MAN1A1: variants seen among roughly 807,000 people sequenced by gnomAD.
MAN1A1 encodes the protein mannosyl-oligosaccharide 1,2-alpha-mannosidase IA.
Under a neutral mutation model 70.8 loss-of-function variants are expected in MAN1A1, and 29 were observed. The ratio of observed to expected loss-of-function variants is 0.41; its 90% CI spans 0.31 to 0.56. MAN1A1 has a LOEUF of 0.56. Among genes scored for constraint, MAN1A1 ranks in the 20% least tolerant of loss-of-function variants. The pLI, the probability that MAN1A1 is intolerant of heterozygous loss-of-function variation, is 0.29. For missense variants in MAN1A1, 747 were observed against 841.3 expected, an observed-to-expected ratio of 0.89 and a Z score of 1.39; for synonymous variants, 349 against 330.1, an observed-to-expected ratio of 1.06 and a Z score of -0.62.
At chr6:119,349,456 T>G in intron 1 of MAN1A1, 86 bp downstream of exon 1, 1 of 927,448 alleles carries the variant, frequency 1.1e-6, no homozygotes, top group Non-Finnish European at 1.3e-6. Flanking sequence ...GGGGTGAAGT[T>G]ATCAGGTCCC....
intron 6 of MAN1A1, among the ~76,000 whole-genome samples, chr6:119,209,915 C>T (rs1440310622): frequency 6.6e-6 from 1 of 152,158 alleles, no homozygotes; most frequent in African/African-American, 2.4e-5. Flanking sequence ...CTGAATTAAC[C>T]CATAAACCCC....
intron 5 of MAN1A1, among the ~76,000 whole-genome samples, chr6:119,255,898 A>AT (rs1775444707): frequency 6.6e-6 from 1 of 152,090 alleles, no homozygotes; most frequent in South Asian, 2.1e-4. Flanking sequence ...TATTTGTCAA[A>AT]TTTCATTACA....
In MAN1A1 at chr6:119,179,866, G is replaced by A. The variant is rs547340413; in HGVS notation, c.1915C>T (p.Pro639Ser). The change falls in exon 13 of 13, where the codon CCT becomes TCT. Residue 639 changes from proline to serine, a missense_variant. This residue lies in a region of MAN1A1 where 419 missense variants were observed against 548.2 expected (regional missense o/e 0.76). Coordinates refer to ENST00000368468, the MANE Select transcript of MAN1A1 (RefSeq NM_005907.4). ...TCCTTTTTATCTTTAGGGAGGATAG[G>A]GAGAAGATGTGCCTCGCTATTGAAG... ...WIFNSEAHLL[P>S]ILPKDKKEVE... 6.2e-7 allele frequency: 1 copy of A among 1,612,644 alleles called. No individual in the cohort carries two copies. Among genetic ancestry groups the A allele is most frequent in the South Asian group, 1.1e-5 (1 of 91,040 alleles).
At chr6:119,269,069 C>T (rs1002293901) in intron 5 of MAN1A1, 1 of 146,260 alleles carries the variant, frequency 6.8e-6, no homozygotes, top group African/African-American at 2.6e-5. Flanking sequence ...CCTCTACACC[C>T]CACGGCAGCA....
chr6:119,327,867 A>G (rs777431168), intron 2 of MAN1A1, among the ~76,000 whole-genome samples: 16 of 152,320 alleles, frequency 1.1e-4, no homozygotes, highest in Non-Finnish European at 1.9e-4. Context: ...GAGCAAACTG[A>G]CGAAGAATGC....
chr6:119,296,722 A>C (rs1772226176), intron 4 of MAN1A1, among the ~76,000 whole-genome samples: 3 of 152,172 alleles, frequency 2.0e-5, no homozygotes, highest in Admixed American at 2.0e-4. Context: ...TAAAGAAAAA[A>C]AAAAAGTCAC....
chr6:119,337,670 A>G (rs1773494486), intron 2 of MAN1A1, among the ~76,000 whole-genome samples: 1 of 152,212 alleles, frequency 6.6e-6, no homozygotes, highest in Non-Finnish European at 1.5e-5. Context: ...AATACTTAAT[A>G]AATCATCATT....
At chr6:119,227,663 G>A (rs1017610860) in intron 6 of MAN1A1, among the ~76,000 whole-genome samples, 1 of 152,106 alleles carries the variant, frequency 6.6e-6, no homozygotes, top group African/African-American at 2.4e-5. Flanking sequence ...GAGATGAGGT[G>A]TCACTACATA....
Position 119,321,617 on chromosome 6 carries a change from ATT to A in MAN1A1, c.604-14627_604-14626del, listed in dbSNP as rs386359347. Among the ~76,000 whole-genome samples the A allele has an allele frequency of 5.8e-3, 773 of 133,248 alleles. 25 individuals carry two copies. The East Asian group carries it at 0.091, about 16-fold the overall frequency. 87.4% of individuals were successfully genotyped at this position (133,248 alleles called of 152,430 possible). A position where few individuals can be genotyped will look rare whatever the true frequency, so the allele number is the denominator to read the frequency against. ...TAGTGGATTGACTACATGGCCTGCA[ATT>A]TTTTTTTTTTTTTTTTGAGACAGGG... On this transcript the variant is annotated intron_variant, in intron 2 of 12. Transcript: ENST00000368468.
intron 5 of MAN1A1, among the ~76,000 whole-genome samples, chr6:119,255,071 A>C (rs1331562205): frequency 6.6e-6 from 1 of 152,206 alleles, no homozygotes; most frequent in Non-Finnish European, 1.5e-5. Context: ...CAAGGCTGTA[A>C]ACAAGACATA....
chr6:119,349,881 G>A (rs1214968125), upstream of MAN1A1: 2 of 422,764 alleles, frequency 4.7e-6, no homozygotes, highest in African/African-American at 4.3e-5. Flanking sequence ...GCCGAGGCGA[G>A]GAGGGGGATG....
chr6:119,223,861 T>C (rs1486097903), intron 6 of MAN1A1, among the ~76,000 whole-genome samples: 1 of 152,048 alleles, frequency 6.6e-6, no homozygotes, highest in African/African-American at 2.4e-5. Context: ...TATATATATA[T>C]TATAAAACTC....
rs967053910 is a variant in MAN1A1 at position 119,299,620 on chromosome 6, A to T, written c.816+2368T>A. 2.0e-5 allele frequency among the ~76,000 whole-genome samples: 3 copies of T among 152,060 alleles called. No individual in the cohort carries two copies. The East Asian group carries it at 5.8e-4, about 29-fold the overall frequency. On this transcript the variant is annotated intron_variant, in intron 4 of 12. Coordinates refer to ENST00000368468, the MANE Select transcript of MAN1A1 (RefSeq NM_005907.4). ...TAAAAATTTAAATAAAGAAAACTTC[A>T]AAGTTCAGTATCTTAGCAATAACTC...
chr6:119,222,172 T>C (rs1354423150), intron 6 of MAN1A1, among the ~76,000 whole-genome samples: 1 of 152,172 alleles, frequency 6.6e-6, no homozygotes, highest in Non-Finnish European at 1.5e-5. Flanking sequence ...CCAGAGTTCA[T>C]TTTTGCTACA....
At chr6:119,317,823 GA>G (rs1423593877) in intron 2 of MAN1A1, among the ~76,000 whole-genome samples, 6 of 151,206 alleles carry the variant, frequency 4.0e-5, no homozygotes, top group Non-Finnish European at 8.8e-5. Context: ...TTTGAAGGTA[GA>G]ATTCATAAAA....
At chr6:119,266,352 AT>A (rs536698800) in intron 5 of MAN1A1, among the ~76,000 whole-genome samples, 137 of 152,308 alleles carry the variant, frequency 9.0e-4, no homozygotes, top group African/African-American at 3.2e-3. Context: ...AGAAATGAAG[AT>A]AATCTTGTCT....
chr6:119,253,757 C>T lies in MAN1A1; in HGVS notation c.898-5403G>A, dbSNP rs376155764. Among the ~76,000 whole-genome samples the T allele has an allele frequency of 2.5e-3, 387 of 152,268 alleles. 2 individuals are homozygous for T. Among genetic ancestry groups the T allele is most frequent in the Admixed American group, 4.4e-3 (68 of 15,298 alleles). On this transcript the variant is annotated intron_variant, in intron 5 of 12. Coordinates refer to ENST00000368468, the MANE Select transcript of MAN1A1 (RefSeq NM_005907.4). ...AAACAACAACTACTTTTGCATCAAC[C>T]TAATAACATACCTGGGGCATTGTAA... is the stretch of plus-strand genomic sequence containing the variant.
intron 6 of MAN1A1, among the ~76,000 whole-genome samples, chr6:119,209,010 A>T (rs1773967461): frequency 1.4e-5 from 2 of 147,216 alleles, no homozygotes; most frequent in East Asian, 4.1e-4. Flanking sequence ...CAGGAGGATC[A>T]CTTGAGCCTG....
intron 2 of MAN1A1, among the ~76,000 whole-genome samples, chr6:119,334,612 C>T (rs1195375692): frequency 6.6e-6 from 1 of 152,118 alleles, no homozygotes; most frequent in Non-Finnish European, 1.5e-5. Flanking sequence ...TTAAAACCAC[C>T]CAAGAACAAA....
Sources: gnomAD v4.1 joint callset for allele counts (sites outside exome capture counted in the v4.1 genomes callset) on GRCh38, gnomAD v4.1.1 for gene constraint, gnomAD v4.1.1 regional missense constraint, MANE v1.5 for transcripts, NCBI Gene and HGNC (gene_info 2026-07-23, HGNC 2026-07-21) for gene names.